ATP13A3: variants seen among roughly 807,000 people sequenced by gnomAD.
ATP13A3 encodes the protein ATPase 13A3, also known as polyamine-transporting ATPase 13A3.
A neutral mutation model predicts 158.1 loss-of-function variants in ATP13A3; 59 were observed. The observed-to-expected ratio is 0.37, with a 90% CI of 0.30 to 0.46. ATP13A3 has a LOEUF of 0.46. Among genes scored for constraint, ATP13A3 ranks in the 20% least tolerant of loss-of-function variants. The probability of loss-of-function intolerance (pLI) is 1.00; values close to 1 mark genes in which losing one functional copy is unlikely to be tolerated. For synonymous variants in ATP13A3, 491 were observed against 504.3 expected (o/e 0.97, Z 0.35); for missense variants, 1,166 against 1,525.2 (o/e 0.76, Z 3.92).
At chr3:194,433,687 T>C in intron 21 of ATP13A3, 85 bp downstream of exon 21, 1 of 1,531,004 alleles carries the variant, frequency 6.5e-7, no homozygotes, top group Non-Finnish European at 8.9e-7. Flanking sequence ...TATAATATGA[T>C]TTTATAACTG....
intron 2 of ATP13A3, among the ~76,000 whole-genome samples, chr3:194,476,780 T>TTC (rs1015955145): frequency 6.6e-6 from 1 of 151,476 alleles, no homozygotes; most frequent in African/African-American, 2.4e-5. Flanking sequence ...TTTTTTTTTT[T>TTC]CAAAACAATT....
Position 194,448,700 on chromosome 3 carries a change from A to C in ATP13A3, c.971-64T>G. ...ATTATTAAACGAAAGCACAGGAATC[A>C]GTATCGAACACCAAAAAATATTAAA... On this transcript the variant is annotated intron_variant, in intron 11 of 33. Transcript: ENST00000645319. This position sits in a 1 kb window ranked among gnomAD's most constrained non-coding sequence, Gnocchi z 4.0. 1 of 1,461,392 alleles carries C rather than the reference A, an allele frequency of 6.8e-7. No homozygotes were observed. 90.5% of individuals were successfully genotyped at this position (1,461,392 alleles called of 1,614,324 possible). A position where few individuals can be genotyped will look rare whatever the true frequency, so the allele number is the denominator to read the frequency against.
rs73071150 is a variant in ATP13A3 at position 194,457,295 on chromosome 3, C to T, written c.480-121G>A. 5.3e-3 allele frequency: 3,396 copies of T among 645,478 alleles called. 92 individuals carry two copies. In the African/African-American group the frequency reaches 0.058, roughly 11 times the overall value. The allele number at this position is 645,478 out of a possible 1,614,324, so 40.0% of individuals were successfully genotyped here. ...GACTTCCTTACAAATCCTTAGAAAC[C>T]CTTAACAAAAATTGAGATAACAAAT... On this transcript the variant is annotated intron_variant, in intron 6 of 33. Transcript: ENST00000645319.
At position 194,403,864 on chromosome 3, in the gene ATP13A3, C is replaced by G; in HGVS notation, c.*2055G>C. 3.8e-6 allele frequency: 1 copy of G among 262,666 alleles called. No individual in the cohort carries two copies. Among genetic ancestry groups the G allele is most frequent in the Non-Finnish European group, 7.4e-6 (1 of 135,894 alleles). The allele number at this position is 262,666 out of a possible 1,614,324, so 16.3% of individuals were successfully genotyped here. ...CCTAAACACCTCATTCCTTTGAAAA[C>G]AATATGGACAGAAGAGATATAAAAC... On this transcript the variant is annotated 3_prime_UTR_variant, in exon 34 of 34. Transcript: ENST00000645319.
At chr3:194,410,619 A>T (rs1715335826) in intron 33 of ATP13A3, among the ~76,000 whole-genome samples, 1 of 152,090 alleles carries the variant, frequency 6.6e-6, no homozygotes, top group Non-Finnish European at 1.5e-5. Context: ...GAAAACAGAG[A>T]CCAAAAAAAG....
Position 194,430,972 on chromosome 3 carries a change from T to C in ATP13A3, c.2595A>G (p.Thr865=). The change falls in exon 24 of 34, where the codon ACA becomes ACG. Residue 865 remains threonine (T), a synonymous_variant. Coordinates refer to ENST00000645319, the MANE Select transcript of ATP13A3 (RefSeq NM_001367549.1). ...CATTTTGCAATGCTTCTATCAACTG[T>C]GTCTTCTGATCAGGTGCCATACGGG... ...VFARMAPDQK[T]QLIEALQNVD... 1 of 1,613,144 alleles carries C rather than the reference T, an allele frequency of 6.2e-7. No homozygotes were observed. The highest frequency in any genetic ancestry group is 8.5e-7 in the Non-Finnish European group (1 of 1,179,380).
At position 194,438,894 on chromosome 3, in the gene ATP13A3, G is replaced by A. The variant is rs1266246597; in HGVS notation, c.1789C>T (p.Leu597=). 6.2e-7 allele frequency: 1 copy of A among 1,609,628 alleles called. No individual in the cohort carries two copies. The highest frequency in any genetic ancestry group is 1.3e-5 in the African/African-American group (1 of 74,774). The change falls in exon 17 of 34, where the codon CTG becomes TTG. Residue 597 remains leucine, a synonymous_variant. Transcript: ENST00000645319. ...CCTGCAGGGGTAGATTCAGGAAGCA[G>A]TTGTTTGGGAGGACGAACCACTGTG... The part of the protein sequence containing the change: ...MPTVVRPPKQ[L]LPESTPAGNQ...
chr3:194,446,663 A>C (rs1244416007), intron 14 of ATP13A3, among the ~76,000 whole-genome samples: 1 of 152,214 alleles, frequency 6.6e-6, no homozygotes, highest in Non-Finnish European at 1.5e-5. Flanking sequence ...TAGGAACTTA[A>C]ATCTCATTTG....
chr3:194,459,993 C>T (rs1280082837), intron 4 of ATP13A3, 22 bp from the exon 5 acceptor site: 8 of 1,563,134 alleles, frequency 5.1e-6, no homozygotes, highest in East Asian at 2.3e-5. Context: ...AAAGGGATAA[C>T]GGTAAGGAGT....
chr3:194,415,708 C>G (rs1179022439), intron 31 of ATP13A3, among the ~76,000 whole-genome samples: 1 of 122,924 alleles, frequency 8.1e-6, no homozygotes, highest in African/African-American at 3.2e-5. Context: ...CTCGCCCTGT[C>G]GCCCAGCCTG....
At chr3:194,446,098 C>T (rs1225640955) in intron 14 of ATP13A3, among the ~76,000 whole-genome samples, 4 of 152,156 alleles carry the variant, frequency 2.6e-5, no homozygotes, top group Non-Finnish European at 5.9e-5. Flanking sequence ...ATTAATACTA[C>T]TAGGCCTAAT....
At chr3:194,406,208 G>A in intron 33 of ATP13A3, 92 bp from the exon 34 acceptor site, 1 of 1,266,746 alleles carries the variant, frequency 7.9e-7, no homozygotes. Context: ...CATTAGCAGA[G>A]AAAAATAAGA....
At chr3:194,425,644 T>C (rs1577040560) in intron 29 of ATP13A3, 115 bp from the exon 30 acceptor site, 1 of 805,326 alleles carries the variant, frequency 1.2e-6, no homozygotes, top group East Asian at 2.7e-5. Flanking sequence ...AAATATGATA[T>C]TTACAGCAAA....
chr3:194,470,193 T>C (rs571993023), intron 2 of ATP13A3, among the ~76,000 whole-genome samples: 12 of 152,214 alleles, frequency 7.9e-5, no homozygotes, highest in Non-Finnish European at 1.8e-4. Context: ...CTTTTGTTTC[T>C]GTGTTTAGGC....
rs1238022452 is a variant in ATP13A3, at chr3:194,417,950, CGGACG to C, written c.3402+1924_3402+1928del. Among the ~76,000 whole-genome samples the C allele has an allele frequency of 1.9e-3, 158 of 84,276 alleles. 1 individual carries two copies. The highest frequency in any genetic ancestry group is 0.016 in the Admixed American group (116 of 7,248). The allele number at this position is 84,276 out of a possible 152,430, so 55.3% of individuals were successfully genotyped here. A position where few individuals can be genotyped will look rare whatever the true frequency, so the allele number is the denominator to read the frequency against. On this transcript the variant is annotated intron_variant, in intron 31 of 33. Coordinates refer to ENST00000645319, the MANE Select transcript of ATP13A3 (RefSeq NM_001367549.1). ...CACTGCAGCGTGGGTGACAGACAGACGGACGGACGGAAGGAAGGAAGGAAGGAAGG... is the reference window on the plus strand; with the variant it reads ...CACTGCAGCGTGGGTGACAGACAGACGACGGAAGGAAGGAAGGAAGGAAGG...
intron 2 of ATP13A3, among the ~76,000 whole-genome samples, chr3:194,464,344 T>G (rs1719863984): frequency 6.6e-6 from 1 of 152,166 alleles, no homozygotes; most frequent in African/African-American, 2.4e-5. Flanking sequence ...GGGTCCGACT[T>G]CCTCTAAACA....
intron 33 of ATP13A3, among the ~76,000 whole-genome samples, chr3:194,409,043 G>A (rs933724815): frequency 2.6e-5 from 4 of 152,120 alleles, no homozygotes; most frequent in African/African-American, 9.7e-5. Context: ...TATAGCAACC[G>A]GATCTTTCAG....
intron 31 of ATP13A3, among the ~76,000 whole-genome samples, chr3:194,417,738 G>A (rs1715969967): frequency 6.6e-6 from 1 of 151,634 alleles, no homozygotes; most frequent in South Asian, 2.1e-4. Flanking sequence ...CAGGAGTTGG[G>A]GGTCAGACTG....
intron 24 of ATP13A3, 27 bp from the exon 25 acceptor site, chr3:194,430,342 T>G (rs772691731): frequency 4.4e-5 from 71 of 1,603,836 alleles, no homozygotes; most frequent in Non-Finnish European, 5.6e-5. Context: ...TGTTAAGATT[T>G]TAATTAATTT....
Sources: gnomAD v4.1 joint callset for allele counts (sites outside exome capture counted in the v4.1 genomes callset) on GRCh38, gnomAD v4.1.1 for gene constraint, Gnocchi (gnomAD v3.1) non-coding constraint, MANE v1.5 for transcripts, NCBI Gene and HGNC (gene_info 2026-07-23, HGNC 2026-07-21) for gene names.